NRXN3: variants seen among roughly 807,000 people sequenced by gnomAD.
NRXN3 encodes neurexin 3.
Under a neutral mutation model 137.6 loss-of-function variants are expected in NRXN3, and 32 were observed. The ratio of observed to expected loss-of-function variants is 0.23; its 90% CI spans 0.18 to 0.31. The LOEUF is 0.31. NRXN3 is among the 10% of genes least tolerant of loss of function. The pLI, the probability that NRXN3 is intolerant of heterozygous loss-of-function variation, is 1.00. For synonymous variants in NRXN3, 798 were observed against 784.5 expected, an observed-to-expected ratio of 1.02 and a Z score of -0.29; for missense variants, 1,574 against 2,062.5, an observed-to-expected ratio of 0.76 and a Z score of 4.59.
chr14:78,942,275 C>A (rs1597677099), intron 10 of NRXN3, among the ~76,000 whole-genome samples: 1 of 152,192 alleles, frequency 6.6e-6, no homozygotes, highest in Admixed American at 6.5e-5. Flanking sequence ...AAGTCCTGTT[C>A]TTGATTCACC....
chr14:79,652,768 G>A (rs571719204), intron 16 of NRXN3, among the ~76,000 whole-genome samples: 86 of 151,856 alleles, frequency 5.7e-4, no homozygotes, highest in Middle Eastern at 3.4e-3. Context: ...TTTCTGCTTG[G>A]GTGTCCAGAT....
At chr14:78,769,019 G>T (rs183608942) in intron 8 of NRXN3, among the ~76,000 whole-genome samples, 81 of 152,260 alleles carry the variant, frequency 5.3e-4, no homozygotes, top group African/African-American at 1.9e-3. Flanking sequence ...TGGGGGTAGG[G>T]TTTAAAGTTC....
At chr14:79,672,114 AG>A (rs1368278968) in intron 17 of NRXN3, among the ~76,000 whole-genome samples, 2 of 152,084 alleles carry the variant, frequency 1.3e-5, no homozygotes, top group Non-Finnish European at 2.9e-5. Flanking sequence ...TTTGGTCTAC[AG>A]GGCTGTTGAG....
intron 6 of NRXN3, among the ~76,000 whole-genome samples, chr14:78,671,315 A>G (rs189961436): frequency 6.6e-6 from 1 of 152,350 alleles, no homozygotes; most frequent in East Asian, 1.9e-4. Context: ...ATCATTTTCA[A>G]ATTCAGAGAG....
intron 15 of NRXN3, among the ~76,000 whole-genome samples, chr14:79,147,170 C>T (rs535631686): frequency 6.6e-6 from 1 of 152,290 alleles, no homozygotes; most frequent in African/African-American, 2.4e-5. Flanking sequence ...AGTTTCTTCT[C>T]CTTTCTCTTA....
intron 15 of NRXN3, among the ~76,000 whole-genome samples, chr14:79,146,935 G>A (rs771862349): frequency 1.3e-5 from 2 of 152,132 alleles, no homozygotes; most frequent in African/African-American, 2.4e-5. Flanking sequence ...ACTGAGGAGA[G>A]CAGCAACAAC....
At chr14:79,555,076 T>C (rs1253547979) in intron 16 of NRXN3, among the ~76,000 whole-genome samples, 1 of 152,204 alleles carries the variant, frequency 6.6e-6, no homozygotes, top group East Asian at 1.9e-4. Context: ...TCTCACTGTT[T>C]TATGTGTTCA....
chr14:79,486,362 C>T (rs2153647842), intron 16 of NRXN3, among the ~76,000 whole-genome samples: 1 of 152,298 alleles, frequency 6.6e-6, no homozygotes, highest in Admixed American at 6.5e-5. Flanking sequence ...TATATTATCA[C>T]ACATACAGAA....
In NRXN3 at chr14:79,158,200, A is replaced by G. The variant is rs570279237; in HGVS notation, c.3262+170059A>G. Among the ~76,000 whole-genome samples the G allele has an allele frequency of 7.9e-5, 12 of 151,736 alleles. No homozygotes were observed. The South Asian group carries it at 1.0e-3, about 13-fold the overall frequency. On this transcript the variant is annotated intron_variant, in intron 15 of 20. Coordinates refer to ENST00000335750, the MANE Select transcript of NRXN3 (RefSeq NM_001330195.2). The stretch of plus-strand genomic sequence containing the variant: ...CTCTCTTTCAGAAGTATTTCTTTCT[A>G]TCTCCCTAAAATCAAAACCAATGTT...
intron 15 of NRXN3, among the ~76,000 whole-genome samples, chr14:79,202,228 A>G (rs2066140000): frequency 6.6e-6 from 1 of 152,058 alleles, no homozygotes; most frequent in South Asian, 2.1e-4. Context: ...CCTTGGGGGA[A>G]AAATGTGTGT....
At chr14:79,649,480 G>A (rs1279546004) in intron 16 of NRXN3, among the ~76,000 whole-genome samples, 1 of 152,100 alleles carries the variant, frequency 6.6e-6, no homozygotes, top group Non-Finnish European at 1.5e-5. Flanking sequence ...CATTATCAAG[G>A]AAATATTTGC....
chr14:78,819,372 A>G (rs988608656), intron 10 of NRXN3, among the ~76,000 whole-genome samples: 1 of 152,224 alleles, frequency 6.6e-6, no homozygotes, highest in Non-Finnish European at 1.5e-5. Context: ...ATATAACAAT[A>G]GAAAATAATA....
chr14:78,943,620 AAATATATATATATATATATATATATATAT>A lies in NRXN3; in HGVS notation c.2276-13620_2276-13592del, dbSNP rs1422828855. 1.8e-3 allele frequency among the ~76,000 whole-genome samples: 58 copies of A among 32,098 alleles called. 1 individual carries two copies. The highest frequency in any genetic ancestry group is 8.0e-3 in the South Asian group (7 of 872). The allele number at this position is 32,098 out of a possible 152,430, so 21.1% of individuals were successfully genotyped here. On this transcript the variant is annotated intron_variant, in intron 10 of 20. Coordinates refer to ENST00000335750, the MANE Select transcript of NRXN3 (RefSeq NM_001330195.2). ...AAGCAAGATCACTGTTAAAAAAAAA[AAATATATATATATATATATATATATATAT>A]ATATATATATATATATATATATATA...
chr14:78,354,253 C>T (rs2083951160), intron 4 of NRXN3, among the ~76,000 whole-genome samples: 2 of 152,210 alleles, frequency 1.3e-5, no homozygotes, highest in African/African-American at 4.8e-5. Context: ...AGTATCACAT[C>T]CATTGTATTC....
At chr14:79,540,075 G>C (rs1222147374) in intron 16 of NRXN3, among the ~76,000 whole-genome samples, 1 of 152,102 alleles carries the variant, frequency 6.6e-6, no homozygotes, top group African/African-American at 2.4e-5. Context: ...CTAATGAATA[G>C]AAGCAGTCTA....
At chr14:78,210,217 T>C (rs79969237) in intron 1 of NRXN3, among the ~76,000 whole-genome samples, 3,722 of 152,250 alleles carry the variant, frequency 0.024, 63 homozygotes, top group South Asian at 0.05. Flanking sequence ...GCCAGCAGAT[T>C]CAGTGTCTGG....
intron 19 of NRXN3, among the ~76,000 whole-genome samples, chr14:79,748,236 C>T (rs955922375): frequency 1.3e-5 from 2 of 151,418 alleles, no homozygotes; most frequent in South Asian, 2.1e-4. Flanking sequence ...AAGCTTTATG[C>T]CAAAAAAAAT....
intron 2 of NRXN3, among the ~76,000 whole-genome samples, chr14:78,272,235 C>T (rs1000720625): frequency 6.6e-6 from 1 of 152,148 alleles, no homozygotes; most frequent in African/African-American, 2.4e-5. Flanking sequence ...GGCCCTCATG[C>T]ACGTTTATGT....
rs369818940 is a variant in NRXN3 at position 78,537,363 on chromosome 14, A to G, written c.758-107757A>G. 1.1e-4 allele frequency among the ~76,000 whole-genome samples: 17 copies of G among 152,306 alleles called. No homozygotes were observed. In the South Asian group the frequency reaches 2.5e-3, roughly 22 times the overall value. ...TGCATTTCTCTGATGACTGGTGATG[A>G]TGAGCATTTTTACATGTGTCTATTA... On this transcript the variant is annotated intron_variant, in intron 4 of 20. Coordinates refer to ENST00000335750, the MANE Select transcript of NRXN3 (RefSeq NM_001330195.2).
Sources: gnomAD v4.1 joint callset for allele counts (sites outside exome capture counted in the v4.1 genomes callset) on GRCh38, gnomAD v4.1.1 for gene constraint, MANE v1.5 for transcripts, NCBI Gene and HGNC (gene_info 2026-07-23, HGNC 2026-07-21) for gene names.